The following NRXN2 variants were observed in gnomAD, a reference collection of about 807,000 sequenced individuals.
The protein encoded by NRXN2 is neurexin-2-beta.
Under a neutral mutation model 128.8 loss-of-function variants are expected in NRXN2, and 29 were observed. That is an observed-to-expected ratio of 0.23 (90% confidence interval 0.17 to 0.31). NRXN2 has a LOEUF of 0.31. NRXN2 is among the 10% of genes least tolerant of loss of function. The pLI is 1.00. For missense variants in NRXN2, 1,881 were observed against 2,452.6 expected, an observed-to-expected ratio of 0.77 and a Z score of 4.92; for synonymous variants, 1,098 against 1,075.2, an observed-to-expected ratio of 1.02 and a Z score of -0.41.
In NRXN2 at chr11:64,667,538, C is replaced by G; in HGVS notation, c.1510G>C (p.Val504Leu). 1 of 1,614,148 alleles carries G rather than the reference C, an allele frequency of 6.2e-7. No individual in the cohort carries two copies. The highest frequency in any genetic ancestry group is 8.5e-7 in the Non-Finnish European group (1 of 1,180,004). ...TTAGCGCTCCAGCGGGGCAGCGCCA[C>G]AAAGGCCTCGGGACTCTCAAAGGTC... ...PVTFESPEAF[V>L]ALPRWSAKRT... Residue 504 changes from valine to leucine, a missense_variant, in exon 9 of 23, where the codon GTG (valine) becomes CTG (leucine). By Grantham distance (32) the Val-to-Leu change is conservative (BLOSUM62 1). Coordinates refer to ENST00000265459, the MANE Select transcript of NRXN2 (RefSeq NM_015080.4). This position sits in a 1 kb window ranked among gnomAD's most constrained non-coding sequence, Gnocchi z 5.6.
Position 64,649,075 on chromosome 11 carries a change from C to T in NRXN2, c.3110-168G>A, listed in dbSNP as rs369375167. 2.0e-5 allele frequency among the ~76,000 whole-genome samples: 3 copies of T among 152,292 alleles called. No homozygotes were observed. The South Asian group carries it at 6.2e-4, about 32-fold the overall frequency. On this transcript the variant is annotated intron_variant, in intron 15 of 22. Transcript: ENST00000265459. ...ACCTGCACAACCCGCACCCCCCCAA[C>T]ACACTTCTTCCTTCTCCACTTTGCC... is the stretch of plus-strand genomic sequence containing the variant.
chr11:64,722,729 C>T (rs949608612), intron 1 of NRXN2, among the ~76,000 whole-genome samples: 1 of 147,654 alleles, frequency 6.8e-6, no homozygotes, highest in African/African-American at 2.5e-5. Flanking sequence ...GACCCTTCCT[C>T]CCACCCCTCC....
Position 64,635,096 on chromosome 11 carries a change from G to A in NRXN2, c.3585+175C>T, listed in dbSNP as rs1565240549. 6.6e-6 allele frequency among the ~76,000 whole-genome samples: 1 copy of A among 152,202 alleles called. No homozygotes were observed. Among genetic ancestry groups the A allele is most frequent in the Non-Finnish European group, 1.5e-5 (1 of 68,040 alleles). ...GAGTCTTGGTGAATAACTGAGAGAG[G>A]GAAGGGTCTCAGAAGCAGAACTTCT... On this transcript the variant is annotated intron_variant, in intron 18 of 22. Transcript: ENST00000265459. The surrounding 1 kb of genome is among the most constrained non-coding windows in gnomAD (Gnocchi z 4.8).
At chr11:64,656,738 G>C (rs1680668091) in intron 11 of NRXN2, among the ~76,000 whole-genome samples, 1 of 151,956 alleles carries the variant, frequency 6.6e-6, no homozygotes, top group Non-Finnish European at 1.5e-5. Flanking sequence ...GAATCCAGGG[G>C]ACTCTACCAT....
intron 3 of NRXN2, among the ~76,000 whole-genome samples, chr11:64,696,249 A>T (rs2135599159): frequency 6.6e-6 from 1 of 151,928 alleles, no homozygotes; most frequent in African/African-American, 2.4e-5. Flanking sequence ...AGACACGCAG[A>T]CTCTCTCTGT....
At chr11:64,679,803 A>G (rs761614647) in intron 6 of NRXN2, among the ~76,000 whole-genome samples, 11 of 152,288 alleles carry the variant, frequency 7.2e-5, no homozygotes, top group Non-Finnish European at 1.0e-4. Flanking sequence ...ACCCAGTCCA[A>G]TGGAGATCAT....
chr11:64,625,550 C>G (rs980834331), intron 20 of NRXN2, among the ~76,000 whole-genome samples: 2 of 152,114 alleles, frequency 1.3e-5, no homozygotes, highest in African/African-American at 4.8e-5. Flanking sequence ...TTGGGGAAGG[C>G]CCCAGTGGAC....
intron 17 of NRXN2, among the ~76,000 whole-genome samples, chr11:64,637,245 C>T (rs1207503295): frequency 1.3e-5 from 2 of 152,146 alleles, no homozygotes; most frequent in African/African-American, 4.8e-5. Flanking sequence ...ACAGAGGGGG[C>T]TTGGCTCTGC....
At position 64,713,509 on chromosome 11, in the gene NRXN2, G is replaced by A. The variant is rs750652259; in HGVS notation, c.191C>T (p.Ala64Val). Residue 64 changes from alanine to valine, a missense_variant, in exon 2 of 23, where the codon GCG (alanine) becomes GTG (valine). This residue lies in a region of NRXN2 where 997 missense variants were observed against 1,240.8 expected (regional missense o/e 0.80). Transcript: ENST00000265459. ...GCCGTCGTCCAGGTAGAGCAGCAGCGCGCGCGTGGCGTTGGTGCGCAGGCT... is the reference window on the plus strand; with the variant it reads ...GCCGTCGTCCAGGTAGAGCAGCAGCACGCGCGTGGCGTTGGTGCGCAGGCT... ...SFSLRTNATR[A>V]LLLYLDDGGD... The A allele has an allele frequency of 1.3e-6, 2 of 1,516,120 alleles. No individual in the cohort carries two copies. The highest frequency in any genetic ancestry group is 1.8e-6 in the Non-Finnish European group (2 of 1,140,812). 93.9% of individuals were successfully genotyped at this position (1,516,120 alleles called of 1,614,324 possible). A position where few individuals can be genotyped will look rare whatever the true frequency, so the allele number is the denominator to read the frequency against.
At chr11:64,715,698 C>T (rs1365769398) in intron 1 of NRXN2, among the ~76,000 whole-genome samples, 1 of 152,108 alleles carries the variant, frequency 6.6e-6, no homozygotes, top group East Asian at 1.9e-4. Context: ...TACAAGGCTC[C>T]AATGGGGACC....
intron 2 of NRXN2, among the ~76,000 whole-genome samples, chr11:64,702,402 G>A (rs1044920457): frequency 4.6e-5 from 7 of 151,996 alleles, no homozygotes; most frequent in East Asian, 1.9e-4. Flanking sequence ...GATGGTTGCC[G>A]TGTCTGTGTA....
intron 6 of NRXN2, among the ~76,000 whole-genome samples, chr11:64,680,259 C>G (rs76865833): frequency 6.6e-6 from 1 of 152,246 alleles, no homozygotes; most frequent in Non-Finnish European, 1.5e-5. Context: ...GGAATATTTA[C>G]ACAAATCATA....
intron 19 of NRXN2, 117 bp from the exon 20 acceptor site, chr11:64,626,669 G>C: frequency 2.5e-6 from 2 of 804,204 alleles, no homozygotes; most frequent in South Asian, 2.7e-5. Context: ...CACGGAAAGA[G>C]GGGAAGGGAG....
rs987512712 is a variant in NRXN2, at chr11:64,660,724, G to A, written c.2185+29C>T. The A allele has an allele frequency of 6.2e-7, 1 of 1,606,642 alleles. No homozygotes were observed. The highest frequency in any genetic ancestry group is 1.3e-5 in the African/African-American group (1 of 74,902). Reference sequence around the variant, plus strand: ...AGGAGGAGCACAGGGATAGGGAGCAGGGACACCTAGGATGAAGACCAGCCT... The same window carrying A: ...AGGAGGAGCACAGGGATAGGGAGCAAGGACACCTAGGATGAAGACCAGCCT... On this transcript the variant is annotated intron_variant, in intron 10 of 22. Coordinates refer to ENST00000265459, the MANE Select transcript of NRXN2 (RefSeq NM_015080.4). The surrounding 1 kb of genome is among the most constrained non-coding windows in gnomAD (Gnocchi z 5.2).
intron 3 of NRXN2, among the ~76,000 whole-genome samples, chr11:64,694,770 A>G (rs1308607734): frequency 6.6e-6 from 1 of 152,120 alleles, no homozygotes; most frequent in African/African-American, 2.4e-5. Flanking sequence ...CCAGACCCAG[A>G]GCCCTCAACC....
chr11:64,660,983 G>A lies in NRXN2; in HGVS notation c.1955C>T (p.Ala652Val). Reference protein sequence around the residue: ...PPEVWTAALRAGYVGCVRDLF... With the variant: ...PPEVWTAALRVGYVGCVRDLF... ...GTCCCGCACACAGCCCACGTAGCCT[G>A]CCCGGAGTGCTGCTGTCCACACCTC... Residue 652 changes from alanine to valine, a missense_variant, in exon 10 of 23, where the codon GCA becomes GTA. Physicochemically the swap from Ala to Val is moderately conservative, Grantham distance 64. Coordinates refer to ENST00000265459, the MANE Select transcript of NRXN2 (RefSeq NM_015080.4). The surrounding 1 kb of genome is among the most constrained non-coding windows in gnomAD (Gnocchi z 5.2). 1.2e-6 allele frequency: 2 copies of A among 1,613,854 alleles called. No individual in the cohort carries two copies. The highest frequency in any genetic ancestry group is 1.6e-4 in the Middle Eastern group (1 of 6,062).
intron 21 of NRXN2, among the ~76,000 whole-genome samples, chr11:64,621,443 G>A (rs758537495): frequency 5.3e-5 from 8 of 152,250 alleles, no homozygotes; most frequent in Non-Finnish European, 7.4e-5. Flanking sequence ...CTGCTCCCTC[G>A]GGGCAAAGTC....
intron 6 of NRXN2, among the ~76,000 whole-genome samples, chr11:64,680,716 G>A (rs1417786375): frequency 6.6e-6 from 1 of 152,194 alleles, no homozygotes; most frequent in Non-Finnish European, 1.5e-5. Flanking sequence ...AGACGTTACA[G>A]TGCAATCTGA....
chr11:64,613,398 G>A (rs1251092565), intron 22 of NRXN2, among the ~76,000 whole-genome samples: 2 of 152,200 alleles, frequency 1.3e-5, no homozygotes, highest in African/African-American at 2.4e-5. Context: ...CCCAGGGAAC[G>A]CGTCCTTCAC....
Sources: allele counts gnomAD v4.1 joint callset (sites outside exome capture counted in the v4.1 genomes callset), GRCh38; gene constraint gnomAD v4.1.1; regional missense constraint gnomAD v4.1.1; non-coding constraint Gnocchi (gnomAD v3.1); transcripts MANE v1.5; gene names NCBI Gene and HGNC (gene_info 2026-07-23, HGNC 2026-07-21).